Variants in TAF1A observed in about 807,000 individuals in gnomAD.
TAF1A encodes the protein TATA box-binding protein-associated factor RNA polymerase I subunit A.
Under a neutral mutation model 61.6 loss-of-function variants are expected in TAF1A, and 42 were observed. The observed-to-expected ratio is 0.68, with a 90% CI of 0.53 to 0.88. The LOEUF is 0.88. Ranked by LOEUF, TAF1A falls within the 40% of genes least tolerant of loss-of-function variation. The pLI is 0.00. For missense variants in TAF1A, 424 were observed against 518.7 expected, an observed-to-expected ratio of 0.82 and a Z score of 1.77; for synonymous variants, 179 against 177.7, an observed-to-expected ratio of 1.01 and a Z score of -0.06.
intron 5 of TAF1A, among the ~76,000 whole-genome samples, chr1:222,571,297 G>C (rs1660340475): frequency 6.6e-6 from 1 of 152,062 alleles, no homozygotes; most frequent in Admixed American, 6.6e-5. Flanking sequence ...ATAAAAGACT[G>C]CATGCTTTCC....
At position 222,561,442 on chromosome 1, in the gene TAF1A, A is replaced by C. The variant is rs780208624; in HGVS notation, c.1162T>G (p.Trp388Gly). The C allele has an allele frequency of 3.7e-6, 6 of 1,612,524 alleles. No individual in the cohort carries two copies. In the East Asian group the frequency reaches 1.3e-4, roughly 36 times the overall value. The change falls in exon 10 of 11, where the codon TGG becomes GGG. Residue 388 changes from tryptophan to glycine, a missense_variant. Coordinates refer to ENST00000352967, the MANE Select transcript of TAF1A (RefSeq NM_005681.4). ...WWPGFHFSYF[W>G]AKSDWKEDTA... ...TCTTCCTTCCAATCACTTTTTGCCCAAAAGTAGCTGAAATGAAAGCCTGGC... is the reference window on the plus strand; with the variant it reads ...TCTTCCTTCCAATCACTTTTTGCCCCAAAGTAGCTGAAATGAAAGCCTGGC...
At chr1:222,565,648 A>C (rs1441270439) in intron 7 of TAF1A, among the ~76,000 whole-genome samples, 2 of 152,076 alleles carry the variant, frequency 1.3e-5, no homozygotes, top group Admixed American at 1.3e-4. Flanking sequence ...TAGCAACTTT[A>C]AAGGTATTGT....
At chr1:222,559,352 T>C (rs1659821570) in intron 10 of TAF1A, among the ~76,000 whole-genome samples, 1 of 152,252 alleles carries the variant, frequency 6.6e-6, no homozygotes, top group Non-Finnish European at 1.5e-5. Context: ...GTGGAGACCA[T>C]GTAGCTCTCA....
At chr1:222,556,417 A>G (rs1239969880), downstream of TAF1A, among the ~76,000 whole-genome samples, 1 of 152,192 alleles carries the variant, frequency 6.6e-6, no homozygotes, top group Non-Finnish European at 1.5e-5. Context: ...ATACTACATG[A>G]GAGTGTGATC....
chr1:222,588,568 A>G lies in TAF1A; in HGVS notation c.-2-3T>C, dbSNP rs1661118818. 1 of 1,611,852 alleles carries G rather than the reference A, an allele frequency of 6.2e-7. No homozygotes were observed. The highest frequency in any genetic ancestry group is 1.3e-5 in the African/African-American group (1 of 74,806). On this transcript the variant is annotated splice_region_variant and splice_polypyrimidine_tract_variant and intron_variant, in intron 1 of 10. Coordinates refer to ENST00000352967, the MANE Select transcript of TAF1A (RefSeq NM_005681.4). ...TTCTTCACTGAAATCACTCATACCT[A>G]TTACAAGATGAGATATCAGTTACTT...
chr1:222,575,069 C>T (rs1660511850), intron 5 of TAF1A, among the ~76,000 whole-genome samples: 1 of 151,950 alleles, frequency 6.6e-6, no homozygotes, highest in Non-Finnish European at 1.5e-5. Context: ...GAAAGTTACT[C>T]AAGTCTTTCA....
At chr1:222,582,698 G>A (rs1378456206) in intron 3 of TAF1A, among the ~76,000 whole-genome samples, 1 of 152,146 alleles carries the variant, frequency 6.6e-6, no homozygotes, top group African/African-American at 2.4e-5. Flanking sequence ...CAACCTAAGT[G>A]TCTAACAACT....
chr1:222,572,996 CA>C (rs1660421438), intron 5 of TAF1A, among the ~76,000 whole-genome samples: 1 of 152,180 alleles, frequency 6.6e-6, no homozygotes, highest in Non-Finnish European at 1.5e-5. Flanking sequence ...AGGCCAGGCA[CA>C]GTGGCTCACA....
At chr1:222,569,257 G>C (rs1402979196) in intron 7 of TAF1A, 1 of 1,372,716 alleles carries the variant, frequency 7.3e-7, no homozygotes, top group Non-Finnish European at 9.4e-7. Context: ...AAAAATATCA[G>C]TGCAGAGTAT....
At chr1:222,562,847 G>A (rs1459034251) in intron 9 of TAF1A, among the ~76,000 whole-genome samples, 2 of 152,032 alleles carry the variant, frequency 1.3e-5, no homozygotes, top group Non-Finnish European at 2.9e-5. Context: ...AGTTAATGAC[G>A]CACAAATCAC....
intron 10 of TAF1A, among the ~76,000 whole-genome samples, chr1:222,559,109 T>C (rs1324437435): frequency 1.3e-5 from 2 of 152,222 alleles, no homozygotes; most frequent in East Asian, 3.8e-4. Flanking sequence ...TACACCCTAG[T>C]GATGGTGACA....
Position 222,561,407 on chromosome 1 carries a change from C to G in TAF1A, c.1197G>C (p.Leu399Phe). The change falls in exon 10 of 11, where the codon TTG becomes TTC. Residue 399 changes from leucine (L) to phenylalanine (F), a missense_variant. By Grantham distance (22) the Leu-to-Phe change is conservative. Coordinates refer to ENST00000352967, the MANE Select transcript of TAF1A (RefSeq NM_005681.4). The part of the protein sequence containing the change: ...AKSDWKEDTA[L>F]ACEKAFVAGL... The stretch of plus-strand genomic sequence containing the variant: ...CAGCCACAAAAGCTTTCTCACAGGC[C>G]AAAGCTGTATCTTCCTTCCAATCAC... The G allele has an allele frequency of 6.2e-7, 1 of 1,611,408 alleles. No homozygotes were observed. Among genetic ancestry groups the G allele is most frequent in the Non-Finnish European group, 8.5e-7 (1 of 1,178,866 alleles).
At position 222,569,524 on chromosome 1, in the gene TAF1A, T is replaced by A. The variant is rs200702839; in HGVS notation, c.880A>T (p.Ile294Leu). ...AAATTCTATACCTTAAGCACACTTATCAATTTTGATCTTGGTGCCTTCTGT... is the reference window on the plus strand; with the variant it reads ...AAATTCTATACCTTAAGCACACTTAACAATTTTGATCTTGGTGCCTTCTGT... ...KRQKAPRSKL[I>L]SVLKILYQIV... The change falls in exon 7 of 11, where the codon ATA becomes TTA. Residue 294 changes from isoleucine to leucine, a missense_variant. Coordinates refer to ENST00000352967, the MANE Select transcript of TAF1A (RefSeq NM_005681.4). 1.0e-4 allele frequency: 163 copies of A among 1,613,860 alleles called. No homozygotes were observed. The highest frequency in any genetic ancestry group is 6.2e-5 in the Non-Finnish European group (73 of 1,179,936).
intron 7 of TAF1A, chr1:222,569,265 T>G: frequency 7.2e-7 from 1 of 1,398,442 alleles, no homozygotes; most frequent in Non-Finnish European, 9.3e-7. Context: ...CAGTGCAGAG[T>G]ATTCCAACCA....
Position 222,588,445 on chromosome 1 carries a change from A to C in TAF1A, c.119T>G (p.Val40Gly). 2 of 1,612,214 alleles carry C rather than the reference A, an allele frequency of 1.2e-6. No individual in the cohort carries two copies. The highest frequency in any genetic ancestry group is 1.7e-4 in the Middle Eastern group (1 of 6,054). ...FPWLQTYVETVAIGGKRRKDF... is the reference protein window; with the variant it reads ...FPWLQTYVETGAIGGKRRKDF... Reference sequence around the variant, plus strand: ...CTCAATGTTATTATTTTACTTACCCACAGTTTCTACGTATGTTTGAAGCCA... The same window carrying C: ...CTCAATGTTATTATTTTACTTACCCCCAGTTTCTACGTATGTTTGAAGCCA... The change falls in exon 2 of 11, where the codon GTG becomes GGG. Residue 40 changes from valine (V) to glycine (G), a missense_variant and splice_region_variant. Coordinates refer to ENST00000352967, the MANE Select transcript of TAF1A (RefSeq NM_005681.4).
chr1:222,575,308 C>A (rs1660523671), intron 5 of TAF1A, among the ~76,000 whole-genome samples: 1 of 151,930 alleles, frequency 6.6e-6, no homozygotes, highest in Non-Finnish European at 1.5e-5. Flanking sequence ...ATTGCTTGAG[C>A]CCAGGGGTTC....
At chr1:222,564,037 T>C (rs1027073691) in intron 8 of TAF1A, 22 bp downstream of exon 8, 23 of 1,443,028 alleles carry the variant, frequency 1.6e-5, no homozygotes, top group Non-Finnish European at 2.2e-5. Flanking sequence ...ACACAAGGTA[T>C]AAAACAACAT....
At chr1:222,570,873 C>T (rs778648310) in intron 5 of TAF1A, among the ~76,000 whole-genome samples, 2 of 152,096 alleles carry the variant, frequency 1.3e-5, no homozygotes, top group African/African-American at 4.8e-5. Flanking sequence ...TATTCTAAGC[C>T]AGTATTACCA....
intron 4 of TAF1A, 129 bp from the exon 5 acceptor site, chr1:222,577,772 T>A (rs1571819464): frequency 1.3e-6 from 1 of 786,946 alleles, no homozygotes; most frequent in East Asian, 2.6e-5. Context: ...CATGGAAAAT[T>A]TTGATGTTGG....
Sources: allele counts gnomAD v4.1 joint callset (sites outside exome capture counted in the v4.1 genomes callset), GRCh38; gene constraint gnomAD v4.1.1; transcripts MANE v1.5; gene names NCBI Gene and HGNC (gene_info 2026-07-23, HGNC 2026-07-21).